The following PC variants were observed in gnomAD, a reference collection of about 807,000 sequenced individuals.
PC encodes the protein pyruvate carboxylase, mitochondrial.
In PC, 46 loss-of-function variants were observed where a neutral mutation model predicts 107.8. That is an observed-to-expected ratio of 0.43 (90% CI 0.34 to 0.55). The LOEUF (loss-of-function observed/expected upper bound fraction) is 0.55, where lower values mean the gene tolerates loss of function less well. Ranked by LOEUF, PC falls within the 20% of genes least tolerant of loss-of-function variation. The pLI is 0.04. For missense variants in PC, 1,241 were observed against 1,643.1 expected (o/e 0.76, Z 4.23); for synonymous variants, 662 against 684.7 (o/e 0.97, Z 0.52).
At chr11:66,957,437 C>G (rs1365710570) in intron 1 of PC, among the ~76,000 whole-genome samples, 1 of 152,166 alleles carries the variant, frequency 6.6e-6, no homozygotes, top group African/African-American at 2.4e-5. Flanking sequence ...GGCAACATGA[C>G]GGAACCTCGT....
At chr11:66,859,573 G>C (rs924967361) in intron 12 of PC, 14 of 1,601,170 alleles carry the variant, frequency 8.7e-6, no homozygotes, top group Non-Finnish European at 1.2e-5. Flanking sequence ...GAGCACGGGA[G>C]TGGGGAGGTG....
chr11:66,869,060 G>A (rs934083515), intron 9 of PC, 96 bp from the exon 10 acceptor site: 2 of 957,106 alleles, frequency 2.1e-6, no homozygotes, highest in African/African-American at 3.2e-5. Context: ...CCATTGGGTT[G>A]GTTCCGTAAA....
At chr11:66,946,092 CAAAAAA>C (rs757767116) in intron 3 of PC, among the ~76,000 whole-genome samples, 6 of 66,088 alleles carry the variant, frequency 9.1e-5, no homozygotes, top group African/African-American at 3.2e-4. Context: ...GACTCCGTCT[CAAAAAA>C]AAAAAAAAAA....
At chr11:66,881,803 C>A (rs369236643) in intron 3 of PC, among the ~76,000 whole-genome samples, 15 of 152,338 alleles carry the variant, frequency 9.8e-5, no homozygotes, top group African/African-American at 3.6e-4. Flanking sequence ...ACACCCAGGC[C>A]ACCAGCAGAG....
At chr11:66,880,716 C>T (rs547834603) in intron 3 of PC, among the ~76,000 whole-genome samples, 11 of 152,330 alleles carry the variant, frequency 7.2e-5, no homozygotes, top group East Asian at 1.9e-4. Context: ...ACAGAATAGG[C>T]GATGGCCAGG....
At chr11:66,933,225 A>G (rs1224322837) in intron 3 of PC, among the ~76,000 whole-genome samples, 2 of 152,076 alleles carry the variant, frequency 1.3e-5, no homozygotes, top group African/African-American at 4.8e-5. Context: ...TAGGCAGCCT[A>G]CCACAGATGA....
Position 66,954,385 on chromosome 11 carries a change from C to T in PC, c.-176G>A, listed in dbSNP as rs1434328869. 1 of 152,204 alleles carries T rather than the reference C, an allele frequency of 6.6e-6. No homozygotes were observed. Among genetic ancestry groups the T allele is most frequent in the Non-Finnish European group, 1.5e-5 (1 of 68,064 alleles). 9.4% of individuals were successfully genotyped at this position (152,204 alleles called of 1,614,324 possible). A position where few individuals can be genotyped will look rare whatever the true frequency, so the allele number is the denominator to read the frequency against. On this transcript the variant is annotated 5_prime_UTR_variant, in exon 2 of 23. Transcript: ENST00000393960. ...CTTTTGGCCATTTCCCATCTTCCAC[C>T]GTCAGGCCCGACTCCTTTGGCAAAG... is the stretch of plus-strand genomic sequence containing the variant.
intron 3 of PC, among the ~76,000 whole-genome samples, chr11:66,941,569 G>A (rs1163322442): frequency 2.0e-5 from 3 of 152,044 alleles, no homozygotes; most frequent in Non-Finnish European, 4.4e-5. Flanking sequence ...TCGGCTCACT[G>A]CAAGCTCCGC....
At chr11:66,873,433 TTATATATTATATTATATATAAAA>T (rs1181335408) in intron 3 of PC, among the ~76,000 whole-genome samples, 1 of 83,706 alleles carries the variant, frequency 1.2e-5, no homozygotes, top group East Asian at 3.1e-4. Context: ...ATTATATATA[TTATATATTATATTATATATAAAA>T]TATATATTAT....
chr11:66,899,159 C>T (rs1416291394), intron 3 of PC, among the ~76,000 whole-genome samples: 11 of 152,106 alleles, frequency 7.2e-5, no homozygotes, highest in African/African-American at 2.7e-4. Flanking sequence ...GGTGAGCCAC[C>T]GTGCCCAGCC....
Position 66,919,066 on chromosome 11 carries a change from G to A in PC, c.-1+33364C>T, listed in dbSNP as rs2136086584. ...TGTGGGCCCAGGTGGATTACCTCAA[G>A]CTGTCTAGGTTAGCCTCAAAAGGTG... On this transcript the variant is annotated intron_variant, in intron 3 of 22. Coordinates refer to ENST00000393960, the MANE Select transcript of PC (RefSeq NM_001040716.2). 1.3e-5 allele frequency among the ~76,000 whole-genome samples: 2 copies of A among 152,276 alleles called. 1 individual carries two copies. The highest frequency in any genetic ancestry group is 4.1e-4 in the South Asian group (2 of 4,830).
intron 3 of PC, among the ~76,000 whole-genome samples, chr11:66,912,227 C>T (rs927584093): frequency 1.3e-5 from 2 of 152,204 alleles, no homozygotes; most frequent in Non-Finnish European, 2.9e-5. Context: ...CAGTTTTGCC[C>T]ACCACTGCCT....
In PC at chr11:66,850,471, G is replaced by A; in HGVS notation, c.2474-7C>T. The stretch of plus-strand genomic sequence containing the variant: ...ACGCGCTCCATGGGCACCTCTGCAG[G>A]GAGGCCAGAGTCAGAGGAGGCCTTA... On this transcript the variant is annotated splice_polypyrimidine_tract_variant and splice_region_variant and intron_variant, in intron 18 of 22. Transcript: ENST00000393960. The A allele has an allele frequency of 6.2e-7, 1 of 1,613,876 alleles. No individual in the cohort carries two copies. The highest frequency in any genetic ancestry group is 8.5e-7 in the Non-Finnish European group (1 of 1,180,012).
intron 3 of PC, among the ~76,000 whole-genome samples, chr11:66,943,636 C>A (rs1949204650): frequency 1.4e-5 from 2 of 144,888 alleles, no homozygotes. Context: ...CTGTAGTCCC[C>A]CAGCTACTTG....
rs1461264958 is a variant in PC at position 66,874,715 on chromosome 11, G to C, written c.1-2556C>G. On this transcript the variant is annotated intron_variant, in intron 3 of 22. Transcript: ENST00000393960. ...CGAGAACACAACAGTGAAGGGTTCTGCTCATGGAAGATGAATGGCAGTGAA... is the reference window on the plus strand; with the variant it reads ...CGAGAACACAACAGTGAAGGGTTCTCCTCATGGAAGATGAATGGCAGTGAA... 2.0e-5 allele frequency among the ~76,000 whole-genome samples: 3 copies of C among 152,186 alleles called. No homozygotes were observed. The East Asian group carries it at 5.8e-4, about 29-fold the overall frequency.
chr11:66,852,297 G>A lies in PC; in HGVS notation c.1825+142C>T, dbSNP rs1441362896. ...GCCGGCACCAGGCCTGGCCGGAGAG[G>A]GCGCTGTGCCTTCTTCGGTCCTTCC... On this transcript the variant is annotated intron_variant, in intron 15 of 22. Transcript: ENST00000393960. The surrounding 1 kb of genome is among the most constrained non-coding windows in gnomAD (Gnocchi z 4.7). 3 of 779,796 alleles carry A rather than the reference G, an allele frequency of 3.8e-6. No homozygotes were observed. Among genetic ancestry groups the A allele is most frequent in the African/African-American group, 1.7e-5 (1 of 58,582 alleles). 48.3% of individuals were successfully genotyped at this position (779,796 alleles called of 1,614,324 possible). A position where few individuals can be genotyped will look rare whatever the true frequency, so the allele number is the denominator to read the frequency against.
rs773680795 is a variant in PC at position 66,871,284 on chromosome 11, G to A, written c.487+31C>T. The A allele has an allele frequency of 2.1e-5, 34 of 1,614,092 alleles. No individual in the cohort carries two copies. Among genetic ancestry groups the A allele is most frequent in the Non-Finnish European group, 2.8e-5 (33 of 1,180,030 alleles). On this transcript the variant is annotated intron_variant, in intron 6 of 22. Coordinates refer to ENST00000393960, the MANE Select transcript of PC (RefSeq NM_001040716.2). The surrounding 1 kb of genome is among the most constrained non-coding windows in gnomAD (Gnocchi z 7.4). Reference sequence around the variant, plus strand: ...TGCTGGACCCTCTCCAGGAGCTGCGGGGCCACCCCTTGCTTGCCCGTTATA... The same window carrying A: ...TGCTGGACCCTCTCCAGGAGCTGCGAGGCCACCCCTTGCTTGCCCGTTATA...
chr11:66,955,842 A>G (rs1949548999), intron 1 of PC, among the ~76,000 whole-genome samples: 1 of 150,868 alleles, frequency 6.6e-6, no homozygotes, highest in South Asian at 2.1e-4. Context: ...GCGTGATCTC[A>G]GCTTACTGCA....
intron 3 of PC, among the ~76,000 whole-genome samples, chr11:66,917,718 CT>C (rs1222032178): frequency 2.0e-5 from 3 of 152,178 alleles, no homozygotes; most frequent in Non-Finnish European, 2.9e-5. Flanking sequence ...CATGAAATTA[CT>C]GATAAGGGGA....
Sources: gnomAD v4.1 joint callset for allele counts (sites outside exome capture counted in the v4.1 genomes callset) on GRCh38, gnomAD v4.1.1 for gene constraint, Gnocchi (gnomAD v3.1) non-coding constraint, MANE v1.5 for transcripts, NCBI Gene and HGNC (gene_info 2026-07-23, HGNC 2026-07-21) for gene names.